ALX4: variants seen among roughly 807,000 people sequenced by gnomAD.
The protein encoded by ALX4 is ALX homeobox 4.
In ALX4, 22 loss-of-function variants were observed where a neutral mutation model predicts 40.6. The ratio of observed to expected loss-of-function variants is 0.54; its 90% CI spans 0.39 to 0.77. The LOEUF is 0.77. Among genes scored for constraint, ALX4 ranks in the 30% least tolerant of loss-of-function variants. The probability of loss-of-function intolerance (pLI) is 0.00; values close to 1 mark genes in which losing one functional copy is unlikely to be tolerated. For missense variants in ALX4, 556 were observed against 564.8 expected (o/e 0.98, Z 0.16); for synonymous variants, 266 against 240.5 (o/e 1.11, Z -0.98).
chr11:44,306,887 C>T (rs933490639), intron 1 of ALX4, among the ~76,000 whole-genome samples: 1 of 152,150 alleles, frequency 6.6e-6, no homozygotes, highest in African/African-American at 2.4e-5. Context: ...TAATCCCTTT[C>T]CTAGAAGGAC....
chr11:44,275,408 T>C lies in ALX4; in HGVS notation c.717A>G (p.Pro239=), dbSNP rs1590691329. 2.5e-6 allele frequency: 4 copies of C among 1,614,084 alleles called. No individual in the cohort carries two copies. Among genetic ancestry groups the C allele is most frequent in the African/African-American group, 2.7e-5 (2 of 74,930 alleles). ...CCAGCTGTTCCCGCGCATACACGTCTGGGTAGTGGGTCTTCTGGAAGACCT... is the reference window on the plus strand; with the variant it reads ...CCAGCTGTTCCCGCGCATACACGTCCGGGTAGTGGGTCTTCTGGAAGACCT... ...LEKVFQKTHY[P]DVYAREQLAM... The change falls in exon 2 of 4, where the codon CCA becomes CCG. Residue 239 remains proline (P), a synonymous_variant. Coordinates refer to ENST00000652299, the MANE Select transcript of ALX4 (RefSeq NM_021926.4).
chr11:44,281,694 G>A (rs1956311441), intron 1 of ALX4, among the ~76,000 whole-genome samples: 1 of 152,062 alleles, frequency 6.6e-6, no homozygotes, highest in South Asian at 2.1e-4. Context: ...TGAGGGCGGA[G>A]GTTAAAGTTT....
At chr11:44,272,404 T>C in intron 2 of ALX4, among the ~76,000 whole-genome samples, 1 of 151,812 alleles carries the variant, frequency 6.6e-6, no homozygotes. Flanking sequence ...CTCAGGAGGC[T>C]GAGGCAGGAG....
intron 1 of ALX4, among the ~76,000 whole-genome samples, chr11:44,292,377 A>AATTTTTT (rs1565007139): frequency 2.1e-5 from 2 of 93,112 alleles, no homozygotes; most frequent in Non-Finnish European, 2.1e-5. Flanking sequence ...GGCTAATTAA[A>AATTTTTT]TTTTTTTTTT....
chr11:44,265,742 A>G (rs7925657), intron 3 of ALX4, among the ~76,000 whole-genome samples: 60,434 of 151,954 alleles, frequency 0.4, 12,246 homozygotes, highest in Middle Eastern at 0.44. Context: ...CAGGGCCTGA[A>G]CTAGGAGGCT....
At chr11:44,304,915 G>A (rs940102747) in intron 1 of ALX4, among the ~76,000 whole-genome samples, 5 of 152,154 alleles carry the variant, frequency 3.3e-5, no homozygotes, top group African/African-American at 9.7e-5. Context: ...CGGCGGTCGC[G>A]GCGAGGTTCC....
At chr11:44,268,446 G>A (rs973085409) in intron 2 of ALX4, among the ~76,000 whole-genome samples, 10 of 152,270 alleles carry the variant, frequency 6.6e-5, no homozygotes, top group South Asian at 2.1e-4. Flanking sequence ...GTGTAGAAGC[G>A]TGGCCTGATG....
chr11:44,305,721 A>C (rs1956462725), intron 1 of ALX4, among the ~76,000 whole-genome samples: 1 of 152,202 alleles, frequency 6.6e-6, no homozygotes, highest in Non-Finnish European at 1.5e-5. Context: ...CCTAGGCGGC[A>C]CCCCAGGGGC....
chr11:44,266,990 A>G (rs1441194464), intron 3 of ALX4, among the ~76,000 whole-genome samples: 1 of 152,206 alleles, frequency 6.6e-6, no homozygotes, highest in African/African-American at 2.4e-5. Flanking sequence ...TGCTTTTACC[A>G]TGTCCAAGGT....
chr11:44,308,907 A>ATCCCCACTGCC (rs1219751702), intron 1 of ALX4, among the ~76,000 whole-genome samples: 3 of 152,192 alleles, frequency 2.0e-5, no homozygotes, highest in Non-Finnish European at 2.9e-5. Context: ...GCCTGCCCGC[A>ATCCCCACTGCC]TCCCCACTGC....
intron 1 of ALX4, among the ~76,000 whole-genome samples, chr11:44,281,949 C>T (rs1956312993): frequency 1.3e-5 from 2 of 152,310 alleles, no homozygotes; most frequent in East Asian, 3.9e-4. Context: ...CTCAGGCTAG[C>T]CAGTGGCACA....
chr11:44,270,744 T>C (rs1956241633), intron 2 of ALX4, among the ~76,000 whole-genome samples: 1 of 152,140 alleles, frequency 6.6e-6, no homozygotes, highest in Non-Finnish European at 1.5e-5. Flanking sequence ...CCCACTGTTC[T>C]CCCGGTCTGA....
intron 1 of ALX4, 117 bp downstream of exon 1, chr11:44,309,480 T>C: frequency 6.7e-7 from 1 of 1,491,114 alleles, no homozygotes; most frequent in Non-Finnish European, 8.9e-7. Flanking sequence ...CCGACCAGAG[T>C]CACCACCCCG....
chr11:44,305,205 C>G (rs1956459115), intron 1 of ALX4, among the ~76,000 whole-genome samples: 1 of 152,206 alleles, frequency 6.6e-6, no homozygotes, highest in African/African-American at 2.4e-5. Context: ...CTTTCCTCCT[C>G]AGAGCTAAGC....
intron 3 of ALX4, among the ~76,000 whole-genome samples, chr11:44,265,907 C>T (rs1382770973): frequency 1.3e-5 from 2 of 152,194 alleles, no homozygotes; most frequent in Non-Finnish European, 2.9e-5. Context: ...CCCTCCCCAA[C>T]GTTCACCTGG....
intron 1 of ALX4, among the ~76,000 whole-genome samples, chr11:44,304,620 C>G (rs1175084168): frequency 6.6e-6 from 1 of 152,198 alleles, no homozygotes; most frequent in African/African-American, 2.4e-5. Flanking sequence ...CGGACAAACG[C>G]GCCGGACGTC....
chr11:44,283,458 T>C (rs1317476956), intron 1 of ALX4, among the ~76,000 whole-genome samples: 1 of 152,210 alleles, frequency 6.6e-6, no homozygotes, highest in Admixed American at 6.5e-5. Context: ...CATAGTTTAA[T>C]ATGTAGGAAA....
At chr11:44,281,262 T>C (rs1408760223) in intron 1 of ALX4, among the ~76,000 whole-genome samples, 3 of 151,930 alleles carry the variant, frequency 2.0e-5, no homozygotes, top group African/African-American at 4.8e-5. Context: ...GGGGAACATA[T>C]GTGTAGTTGC....
intron 2 of ALX4, among the ~76,000 whole-genome samples, chr11:44,274,740 G>A (rs957627859): frequency 6.6e-6 from 1 of 152,194 alleles, no homozygotes; most frequent in Non-Finnish European, 1.5e-5. Context: ...GAGTTGGGTT[G>A]AGTGTTGGGT....
Sources: allele counts gnomAD v4.1 joint callset (sites outside exome capture counted in the v4.1 genomes callset), GRCh38; gene constraint gnomAD v4.1.1; transcripts MANE v1.5; gene names NCBI Gene and HGNC (gene_info 2026-07-23, HGNC 2026-07-21).